The following KCTD3 variants were observed in gnomAD, a reference collection of about 807,000 sequenced individuals.
KCTD3 encodes potassium channel tetramerization domain containing 3, also known as BTB/POZ domain-containing protein KCTD3.
KCTD3 carries 41 observed loss-of-function variants against 85.8 expected under a neutral mutation model. That is an observed-to-expected ratio of 0.48 (90% confidence interval 0.37 to 0.62). The LOEUF (loss-of-function observed/expected upper bound fraction) is 0.62. Ranked by LOEUF, KCTD3 falls within the 20% of genes least tolerant of loss-of-function variation. The probability of loss-of-function intolerance (pLI) is 0.00; values close to 1 mark genes in which losing one functional copy is unlikely to be tolerated. For synonymous variants in KCTD3, 338 were observed against 345.4 expected (o/e 0.98, Z 0.24); for missense variants, 724 against 989.9 (o/e 0.73, Z 3.60).
Position 215,578,048 on chromosome 1 carries a change from A to G in KCTD3, c.364A>G (p.Ser122Gly). 6.2e-7 allele frequency: 1 copy of G among 1,612,550 alleles called. No homozygotes were observed. Among genetic ancestry groups the G allele is most frequent in the Non-Finnish European group, 8.5e-7 (1 of 1,179,218 alleles). ...CEELERSSCG[S>G]VLFHGYLPPP... Reference sequence around the variant, plus strand: ...AGAATTGGAGCGTTCCTCTTGTGGCAGTGTCCTTTTTCATGGTTACTTGCC... The same window carrying G: ...AGAATTGGAGCGTTCCTCTTGTGGCGGTGTCCTTTTTCATGGTTACTTGCC... The change falls in exon 6 of 18, where the codon AGT becomes GGT. Residue 122 changes from serine to glycine, a missense_variant. Ser to Gly is a moderately conservative substitution (Grantham distance 56, BLOSUM62 0). Around this residue, in one of 6 missense-constraint regions of KCTD3, gnomAD observed 17 missense variants for 40.4 expected, o/e 0.42. Coordinates refer to ENST00000259154, the MANE Select transcript of KCTD3 (RefSeq NM_016121.5).
At chr1:215,612,036 C>A in intron 15 of KCTD3, 115 bp downstream of exon 15, 1 of 671,870 alleles carries the variant, frequency 1.5e-6, no homozygotes, top group Non-Finnish European at 2.7e-6. Flanking sequence ...ATTGTTGGGA[C>A]AGAAGTCTGT....
intron 2 of KCTD3, 33 bp from the exon 3 acceptor site, chr1:215,574,040 A>G (rs1353924577): frequency 7.2e-6 from 11 of 1,529,350 alleles, no homozygotes; most frequent in Non-Finnish European, 9.9e-6. Flanking sequence ...CTCAGATTTT[A>G]AAAACTAACT....
chr1:215,600,438 A>C (rs1475836850), intron 10 of KCTD3, among the ~76,000 whole-genome samples: 1 of 152,042 alleles, frequency 6.6e-6, no homozygotes. Context: ...TCCTCTGTGA[A>C]CCTTCCTTGA....
chr1:215,583,095 G>A (rs936320757), intron 8 of KCTD3, among the ~76,000 whole-genome samples: 1 of 151,590 alleles, frequency 6.6e-6, no homozygotes, highest in African/African-American at 2.4e-5. Flanking sequence ...GAAGTAATAT[G>A]TCTGTAAAAG....
intron 10 of KCTD3, among the ~76,000 whole-genome samples, chr1:215,601,244 T>G (rs1654825330): frequency 6.8e-6 from 1 of 147,056 alleles, no homozygotes; most frequent in East Asian, 2.0e-4. Flanking sequence ...ACTAGATTGA[T>G]TTTCCTGGAA....
intron 10 of KCTD3, among the ~76,000 whole-genome samples, chr1:215,601,579 C>CA (rs1230555140): frequency 6.6e-6 from 1 of 151,028 alleles, no homozygotes; most frequent in Non-Finnish European, 1.5e-5. Flanking sequence ...TGATCACATG[C>CA]AAAAAAAGAG....
intron 12 of KCTD3, 64 bp from the exon 13 acceptor site, chr1:215,604,068 G>A (rs1169668097): frequency 7.8e-7 from 1 of 1,277,518 alleles, no homozygotes; most frequent in East Asian, 2.4e-5. Context: ...GGGAAGCTTT[G>A]CGAGGGTAGC....
chr1:215,579,011 C>T lies in KCTD3; in HGVS notation c.409C>T (p.Arg137Cys), dbSNP rs3767261. ...GYLPPPGIPS[R>C]KINNTVRSAD... is the part of the protein sequence containing the mutation. ...TCTTCTCTTTATAGGTATTCCTAGT[C>T]GTAAAATAAACAACACAGTCAGATC... The change falls in exon 7 of 18, where the codon CGT becomes TGT. Residue 137 changes from arginine to cysteine, a missense_variant. By Grantham distance (180) the Arg-to-Cys change is radical (BLOSUM62 -3). This residue lies in a region of KCTD3 where 106 missense variants were observed against 98.2 expected (regional missense o/e 1.08). Transcript: ENST00000259154. 9.1e-5 allele frequency: 141 copies of T among 1,552,700 alleles called. No individual in the cohort carries two copies. The highest frequency in any genetic ancestry group is 1.1e-4 in the Non-Finnish European group (130 of 1,155,196).
chr1:215,592,874 A>C (rs755048502), intron 9 of KCTD3, among the ~76,000 whole-genome samples: 1 of 152,154 alleles, frequency 6.6e-6, no homozygotes. Flanking sequence ...TAAGACAGGA[A>C]CTGGTCATTA....
At chr1:215,611,787 T>G (rs1286394154) in intron 14 of KCTD3, 38 bp from the exon 15 acceptor site, 11 of 1,323,716 alleles carry the variant, frequency 8.3e-6, no homozygotes, top group Non-Finnish European at 1.2e-5. Context: ...AAAATAAAAT[T>G]TTAATTAATT....
chr1:215,573,991 T>C, intron 2 of KCTD3, 82 bp from the exon 3 acceptor site: 1 of 1,095,048 alleles, frequency 9.1e-7, no homozygotes, highest in Admixed American at 1.9e-5. Context: ...CTTTTAGTGG[T>C]CTTTAACATT....
intron 3 of KCTD3, 50 bp from the exon 4 acceptor site, chr1:215,575,851 T>C (rs1259676027): frequency 9.6e-7 from 1 of 1,042,032 alleles, no homozygotes; most frequent in Non-Finnish European, 1.4e-6. Flanking sequence ...GATATTAAAG[T>C]TAAAAGATTA....
At chr1:215,571,183 C>T (rs190058244) in intron 1 of KCTD3, among the ~76,000 whole-genome samples, 21 of 152,324 alleles carry the variant, frequency 1.4e-4, no homozygotes, top group East Asian at 7.7e-4. Context: ...AAGCTGTCCT[C>T]ATTTGGAATG....
At chr1:215,602,975 C>A (rs377327988) in intron 12 of KCTD3, among the ~76,000 whole-genome samples, 1 of 152,116 alleles carries the variant, frequency 6.6e-6, no homozygotes, top group African/African-American at 2.4e-5. Context: ...TAGTAAACCA[C>A]GGATTTCTAG....
chr1:215,588,455 T>C (rs944436359), intron 9 of KCTD3, among the ~76,000 whole-genome samples: 2 of 151,896 alleles, frequency 1.3e-5, no homozygotes, highest in African/African-American at 4.8e-5. Context: ...TGGCCTTTTA[T>C]GTTCTTGAAA....
chr1:215,611,825 G>C lies in KCTD3; in HGVS notation c.1466G>C (p.Gly489Ala), dbSNP rs764354231. 16 of 1,588,010 alleles carry C rather than the reference G, an allele frequency of 1.0e-5. No homozygotes were observed. The highest frequency in any genetic ancestry group is 8.6e-7 in the Non-Finnish European group (1 of 1,164,910). ...HGSYSSGNDI[G>A]PFGERDDQQV... ...TTGACATTTTTGTTTTCTGATCAAG[G>C]ACCTTTTGGAGAGCGAGACGATCAA... The change falls in exon 15 of 18, where the codon GGA becomes GCA. Residue 489 changes from glycine to alanine, a missense_variant and splice_region_variant. By Grantham distance (60) the Gly-to-Ala change is moderately conservative. Transcript: ENST00000259154.
In KCTD3 at chr1:215,617,216, G is replaced by A. The variant is rs74922019; in HGVS notation, c.1563-1670G>A. On this transcript the variant is annotated intron_variant, in intron 15 of 17. Coordinates refer to ENST00000259154, the MANE Select transcript of KCTD3 (RefSeq NM_016121.5). ...CATCTGTATTCTTTGTAATTAACTC[G>A]TAAATGCGAGCTTTCCTTTGAATTC... Among the ~76,000 whole-genome samples the A allele has an allele frequency of 6.3e-3, 964 of 152,226 alleles. 25 individuals carry two copies. In the South Asian group the frequency reaches 0.074, roughly 12 times the overall value.
rs2797394 is a variant in KCTD3, at chr1:215,603,443, G to A, written c.1139-689G>A. ...TATCTAAATTTGCAATGGGGTCTGG[G>A]CACTTTTTGAAAAAAAGAAAACAAA... On this transcript the variant is annotated intron_variant, in intron 12 of 17. Transcript: ENST00000259154. 8.6e-3 allele frequency among the ~76,000 whole-genome samples: 1,313 copies of A among 151,978 alleles called. 31 individuals are homozygous for A. Among genetic ancestry groups the A allele is most frequent in the African/African-American group, 0.03 (1,234 of 41,430 alleles).
chr1:215,602,041 A>G (rs1571891569), intron 11 of KCTD3, 44 bp from the exon 12 acceptor site: 4 of 1,384,764 alleles, frequency 2.9e-6, no homozygotes, highest in East Asian at 4.6e-5. Flanking sequence ...TTTTAAATAG[A>G]TATGCTATTT....
Sources: gnomAD v4.1 joint callset for allele counts (sites outside exome capture counted in the v4.1 genomes callset) on GRCh38, gnomAD v4.1.1 for gene constraint, gnomAD v4.1.1 regional missense constraint, MANE v1.5 for transcripts, NCBI Gene and HGNC (gene_info 2026-07-23, HGNC 2026-07-21) for gene names.